The following NCOR1 variants were observed in gnomAD, a reference collection of about 807,000 sequenced individuals.
The protein encoded by NCOR1 is nuclear receptor corepressor 1, also known as protein phosphatase 1, regulatory subunit 109.
Under a neutral mutation model 288.1 loss-of-function variants are expected in NCOR1, and 63 were observed. The ratio of observed to expected loss-of-function variants is 0.22; its 90% CI spans 0.18 to 0.27. NCOR1 has a LOEUF of 0.27. Ranked by LOEUF, NCOR1 falls within the 10% of genes least tolerant of loss-of-function variation. NCOR1 has a pLI of 1.00. For missense variants in NCOR1, 2,397 were observed against 3,019.2 expected (o/e 0.79, Z 4.83); for synonymous variants, 1,007 against 1,065.9 (o/e 0.94, Z 1.08).
chr17:16,185,008 CAAAAAAAA>C (rs34725978), intron 3 of NCOR1, among the ~76,000 whole-genome samples: 6 of 97,352 alleles, frequency 6.2e-5, no homozygotes, highest in South Asian at 3.7e-4. Flanking sequence ...GAATCTTAAA[CAAAAAAAA>C]AAAAAAAAAA....
At chr17:16,169,688 A>T (rs1425649839) in intron 4 of NCOR1, among the ~76,000 whole-genome samples, 5 of 152,226 alleles carry the variant, frequency 3.3e-5, no homozygotes, top group Non-Finnish European at 7.3e-5. Flanking sequence ...CAACTATAAC[A>T]TGGAAATGGG....
At chr17:16,044,620 C>T (rs2058348458) in intron 42 of NCOR1, 2 of 606,880 alleles carry the variant, frequency 3.3e-6, no homozygotes, top group South Asian at 1.4e-5. Context: ...TTGCCCATAC[C>T]ATGTCCTCTG....
At chr17:16,086,579 T>G in intron 22 of NCOR1, 137 bp from the exon 23 acceptor site, 2 of 803,666 alleles carry the variant, frequency 2.5e-6, no homozygotes, top group Non-Finnish European at 3.8e-6. Context: ...ACATTTCTAT[T>G]TTAAATTTCT....
intron 30 of NCOR1, 55 bp downstream of exon 30, chr17:16,071,354 T>C: frequency 1.3e-6 from 2 of 1,568,048 alleles, no homozygotes; most frequent in South Asian, 2.4e-5. Flanking sequence ...AGTCACACTT[T>C]TTTAAATGTT....
rs201988410 is a variant in NCOR1, at chr17:16,163,552, A to G, written c.618+1427T>C. On this transcript the variant is annotated intron_variant, in intron 5 of 45. Coordinates refer to ENST00000268712, the MANE Select transcript of NCOR1 (RefSeq NM_006311.4). ...GGAGGTAGGAAAAAATGGAACCTCC[A>G]TATACTGCTGGTAAGAATATAAAAT... Among the ~76,000 whole-genome samples, 420 of 152,368 alleles carry G rather than the reference A, an allele frequency of 2.8e-3. 3 individuals carry two copies. Among genetic ancestry groups the G allele is most frequent in the African/African-American group, 9.3e-3 (387 of 41,590 alleles).
At chr17:16,183,735 A>G (rs2086023625) in intron 3 of NCOR1, among the ~76,000 whole-genome samples, 2 of 152,166 alleles carry the variant, frequency 1.3e-5, no homozygotes, top group South Asian at 4.1e-4. Context: ...AATAGAAAAA[A>G]CAACCCTAAA....
chr17:16,163,149 G>A (rs2153433973), intron 5 of NCOR1, among the ~76,000 whole-genome samples: 1 of 152,146 alleles, frequency 6.6e-6, no homozygotes, highest in East Asian at 1.9e-4. Flanking sequence ...AAATGTAAGA[G>A]TGACAAAAGG....
intron 6 of NCOR1, 145 bp from the exon 7 acceptor site, chr17:16,153,540 G>A (rs2079198379): frequency 6.3e-6 from 3 of 478,822 alleles, no homozygotes; most frequent in African/African-American, 2.0e-5. Context: ...ATGACAGGCT[G>A]AAATATGCTC....
chr17:16,083,533 A>C (rs1298758326), intron 23 of NCOR1, among the ~76,000 whole-genome samples: 1 of 151,908 alleles, frequency 6.6e-6, no homozygotes, highest in Non-Finnish European at 1.5e-5. Flanking sequence ...AAATTGATCT[A>C]TAGATTTAAT....
chr17:16,037,536 C>T (rs1308555271), intron 44 of NCOR1, among the ~76,000 whole-genome samples: 1 of 152,126 alleles, frequency 6.6e-6, no homozygotes, highest in Non-Finnish European at 1.5e-5. Flanking sequence ...AATTAAGGAA[C>T]TGAAATTTCT....
At chr17:16,118,219 T>G (rs996602218) in intron 17 of NCOR1, among the ~76,000 whole-genome samples, 192 bp from the exon 18 acceptor site, 1 of 152,078 alleles carries the variant, frequency 6.6e-6, no homozygotes, top group African/African-American at 2.4e-5. Flanking sequence ...AGTTCTATAT[T>G]TTTCCCCCTC....
At chr17:16,200,557 T>C (rs1312346471) in intron 1 of NCOR1, among the ~76,000 whole-genome samples, 1 of 145,800 alleles carries the variant, frequency 6.9e-6, no homozygotes, top group African/African-American at 2.5e-5. Flanking sequence ...GGACTGCAGA[T>C]GCCACTTCAG....
At chr17:16,149,596 C>T in intron 8 of NCOR1, 79 bp from the exon 9 acceptor site, 1 of 571,510 alleles carries the variant, frequency 1.7e-6, no homozygotes, top group Non-Finnish European at 3.0e-6. Context: ...TCCAGAGACA[C>T]TGGAAAATAG....
intron 9 of NCOR1, among the ~76,000 whole-genome samples, chr17:16,147,268 G>A (rs1463926848): frequency 1.3e-5 from 2 of 152,084 alleles, no homozygotes; most frequent in African/African-American, 4.8e-5. Flanking sequence ...AATTAGCCAG[G>A]CGTGGTGGTG....
At chr17:16,133,438 G>A (rs1305298704) in intron 14 of NCOR1, among the ~76,000 whole-genome samples, 1 of 152,222 alleles carries the variant, frequency 6.6e-6, no homozygotes, top group Non-Finnish European at 1.5e-5. Flanking sequence ...GAGATCACCT[G>A]AGCTAAACCC....
chr17:16,107,921 A>G (rs1186594587), intron 19 of NCOR1, among the ~76,000 whole-genome samples: 1 of 149,786 alleles, frequency 6.7e-6, no homozygotes, highest in Non-Finnish European at 1.5e-5. Context: ...AATCTATAGG[A>G]AAAAAAAAAC....
intron 32 of NCOR1, chr17:16,065,990 G>A: frequency 5.0e-6 from 2 of 399,854 alleles, no homozygotes; most frequent in South Asian, 2.4e-5. Context: ...CCTGGCATCT[G>A]CAAGAGTTGT....
At chr17:16,211,815 T>C (rs763302845) in intron 1 of NCOR1, among the ~76,000 whole-genome samples, 5 of 151,940 alleles carry the variant, frequency 3.3e-5, no homozygotes, top group Non-Finnish European at 7.4e-5. Flanking sequence ...AAAACCAAAA[T>C]AAAAAACAGA....
At chr17:16,211,191 C>T (rs116307132) in intron 1 of NCOR1, among the ~76,000 whole-genome samples, 2 of 151,978 alleles carry the variant, frequency 1.3e-5, no homozygotes, top group South Asian at 2.1e-4. Flanking sequence ...TCAGTGTTAT[C>T]GAAAGTAAAA....
Sources: allele counts gnomAD v4.1 joint callset (sites outside exome capture counted in the v4.1 genomes callset), GRCh38; gene constraint gnomAD v4.1.1; transcripts MANE v1.5; gene names NCBI Gene and HGNC (gene_info 2026-07-23, HGNC 2026-07-21).